The following ZNF594 variants were observed in gnomAD, a reference collection of about 807,000 sequenced individuals.
ZNF594 encodes the protein zinc finger protein HZF18.
For synonymous variants in ZNF594, 336 were observed against 309.4 expected (o/e 1.09, Z -0.90); for missense variants, 1,037 against 964.6 (o/e 1.08, Z -0.99).
At chr17:5,186,741 A>C (rs1468750136) in intron 1 of ZNF594, among the ~76,000 whole-genome samples, 1 of 152,190 alleles carries the variant, frequency 6.6e-6, no homozygotes, top group Admixed American at 6.5e-5. Context: ...AATTTCTTCC[A>C]CCAGATACCC....
At chr17:5,178,740 GAATT>G (rs767895705), downstream of ZNF594, among the ~76,000 whole-genome samples, 11 of 152,000 alleles carry the variant, frequency 7.2e-5, no homozygotes, top group Non-Finnish European at 1.6e-4. Flanking sequence ...ATGAATATGT[GAATT>G]AAACCAGGTA....
In ZNF594 at chr17:5,181,903, C is replaced by T; in HGVS notation, c.2354G>A (p.Arg785Lys). The T allele has an allele frequency of 6.2e-7, 1 of 1,614,044 alleles. No individual in the cohort carries two copies. The highest frequency in any genetic ancestry group is 8.5e-7 in the Non-Finnish European group (1 of 1,179,996). Residue 785 changes from arginine to lysine, a missense_variant, in exon 2 of 2, where the codon AGA (arginine) becomes AAA (lysine). Transcript: ENST00000575779. ...TTCTTTACATTCATATGGTTTCTCTCTTGTATGAGTTACCTGATGTCTGAT... is the reference window on the plus strand; with the variant it reads ...TTCTTTACATTCATATGGTTTCTCTTTTGTATGAGTTACCTGATGTCTGAT... The part of the protein sequence containing the change: ...DLIRHQVTHT[R>K]EKPYECKECG...
chr17:5,174,325 A>C, the ZNF594 span: 1 of 189,926 alleles, frequency 5.3e-6, no homozygotes, highest in Non-Finnish European at 1.1e-5. Context: ...TAGACCCTGC[A>C]AGTTGATTCT....
chr17:5,182,144 C>T lies in ZNF594; in HGVS notation c.2113G>A (p.Glu705Lys), dbSNP rs1407296557. 2 of 1,613,440 alleles carry T rather than the reference C, an allele frequency of 1.2e-6. No homozygotes were observed. The highest frequency in any genetic ancestry group is 2.7e-5 in the African/African-American group (2 of 74,404). Residue 705 changes from glutamate to lysine, a missense_variant, in exon 2 of 2, where the codon GAG (glutamate) becomes AAG (lysine). By Grantham distance (56) the Glu-to-Lys change is moderately conservative. Transcript: ENST00000575779. ...LIQHRRLHSGEKPYECKECGK... is the reference protein window; with the variant it reads ...LIQHRRLHSGKKPYECKECGK... Reference sequence around the variant, plus strand: ...CATTCCTTACATTCATAGGGTTTCTCACCACTATGAAGTCTCCGATGTTGA... The same window carrying T: ...CATTCCTTACATTCATAGGGTTTCTTACCACTATGAAGTCTCCGATGTTGA...
chr17:5,182,659 T>A lies in ZNF594; in HGVS notation c.1598A>T (p.Lys533Ile), dbSNP rs745632149. ...KLFIWRTAFL[K>I]HQSLHTGEKL... The stretch of plus-strand genomic sequence containing the variant: ...CTCTCCAGTATGCAGGCTCTGATGT[T>A]TGAGGAAAGCTGTGCGCCAAATGAA... Residue 533 changes from lysine to isoleucine, a missense_variant, in exon 2 of 2, where the codon AAA becomes ATA. By Grantham distance (102) the Lys-to-Ile change is moderately radical. Transcript: ENST00000575779. 48 of 1,613,808 alleles carry A rather than the reference T, an allele frequency of 3.0e-5. No individual in the cohort carries two copies. The highest frequency in any genetic ancestry group is 3.8e-5 in the Non-Finnish European group (45 of 1,179,970).
intron 1 of ZNF594, chr17:5,184,506 T>C: frequency 2.1e-6 from 1 of 465,838 alleles, no homozygotes; most frequent in East Asian, 3.8e-5. Context: ...GCTGTGGGAG[T>C]GGCCTAAAGG....
At position 5,182,136 on chromosome 17, in the gene ZNF594, G is replaced by C; in HGVS notation, c.2121C>G (p.Pro707=). ...QHRRLHSGEK[P]YECKECGKLF... ...GTTTCCCACATTCCTTACATTCATA[G>C]GGTTTCTCACCACTATGAAGTCTCC... Residue 707 remains proline (P), a synonymous_variant, in exon 2 of 2, where the codon CCC becomes CCG. Transcript: ENST00000575779. The C allele has an allele frequency of 6.2e-7, 1 of 1,613,556 alleles. No homozygotes were observed. Among genetic ancestry groups the C allele is most frequent in the South Asian group, 1.1e-5 (1 of 91,076 alleles).
chr17:5,177,340 G>A (rs577102632), downstream of ZNF594, among the ~76,000 whole-genome samples: 8 of 152,272 alleles, frequency 5.3e-5, no homozygotes, highest in South Asian at 1.4e-3. Flanking sequence ...AGTGTATTAA[G>A]ACACTAGGAG....
downstream of ZNF594, among the ~76,000 whole-genome samples, chr17:5,177,501 G>A (rs532701397): frequency 3.3e-5 from 5 of 152,258 alleles, no homozygotes; most frequent in African/African-American, 1.2e-4. Flanking sequence ...CCTGAGGCCA[G>A]GAGTTCGAGA....
chr17:5,177,871 G>A (rs2074316462), downstream of ZNF594, among the ~76,000 whole-genome samples: 2 of 151,828 alleles, frequency 1.3e-5, no homozygotes, highest in South Asian at 4.1e-4. Context: ...TTACTAAAAC[G>A]GACACAGAAA....
At position 5,182,942 on chromosome 17, in the gene ZNF594, T is replaced by C. The variant is rs779461206; in HGVS notation, c.1315A>G (p.Lys439Glu). 4 of 1,614,122 alleles carry C rather than the reference T, an allele frequency of 2.5e-6. No individual in the cohort carries two copies. Among genetic ancestry groups the C allele is most frequent in the Middle Eastern group, 1.6e-4 (1 of 6,062 alleles). The change falls in exon 2 of 2, where the codon AAA becomes GAA. Residue 439 changes from lysine to glutamate, a missense_variant. Coordinates refer to ENST00000575779, the MANE Select transcript of ZNF594 (RefSeq NM_032530.2). ...EKPCVCSKCG[K>E]SFRGSSDLIR... ...AGATCTGAGCTGCCCCTAAAAGATT[T>C]CCCACATTTGCTACATACACAAGGT...
chr17:5,190,265 G>A (rs923285353), intron 1 of ZNF594, among the ~76,000 whole-genome samples: 1 of 152,168 alleles, frequency 6.6e-6, no homozygotes, highest in Non-Finnish European at 1.5e-5. Context: ...CTACTCGGAA[G>A]GCTGAGGCAG....
Position 5,180,059 on chromosome 17 carries a change from T to TA in ZNF594, c.*1773dup, listed in dbSNP as rs1193586393. 2.0e-5 allele frequency: 3 copies of TA among 151,282 alleles called. No homozygotes were observed. The highest frequency in any genetic ancestry group is 1.3e-4 in the Admixed American group (2 of 15,080). 9.4% of individuals were successfully genotyped at this position (151,282 alleles called of 1,614,324 possible). A position where few individuals can be genotyped will look rare whatever the true frequency, so the allele number is the denominator to read the frequency against. On this transcript the variant is annotated 3_prime_UTR_variant, in exon 2 of 2. Coordinates refer to ENST00000575779, the MANE Select transcript of ZNF594 (RefSeq NM_032530.2). ...GCATTGTAAAGACAAGCAGAAGAGT[T>TA]AGACTTTTTTTTTTTTTTGAGATGG...
Position 5,182,767 on chromosome 17 carries a change from A to G in ZNF594, c.1490T>C (p.Phe497Ser), listed in dbSNP as rs2074354907. The G allele has an allele frequency of 6.2e-7, 1 of 1,613,964 alleles. No individual in the cohort carries two copies. The highest frequency in any genetic ancestry group is 1.3e-5 in the African/African-American group (1 of 74,896). The change falls in exon 2 of 2, where the codon TTC (phenylalanine) becomes TCC (serine). Residue 497 changes from phenylalanine (F) to serine (S), a missense_variant. By Grantham distance (155) the Phe-to-Ser change is radical. Coordinates refer to ENST00000575779, the MANE Select transcript of ZNF594 (RefSeq NM_032530.2). ...PYQCTECGKA[F>S]RRRSLLIQHR... ...TTGAATAAGGAGTGAACGCCGCCTG[A>G]AGGCTTTCCCACATTCAGTGCACTG...
intron 1 of ZNF594, among the ~76,000 whole-genome samples, chr17:5,189,198 G>GGCCT (rs2074406160): frequency 6.6e-6 from 1 of 151,626 alleles, no homozygotes; most frequent in Admixed American, 6.6e-5. Context: ...CTCCCACCTT[G>GGCCT]GCCTCCCAAA....
chr17:5,176,074 T>C (rs2074304952), downstream of ZNF594, among the ~76,000 whole-genome samples: 1 of 152,206 alleles, frequency 6.6e-6, no homozygotes, highest in Admixed American at 6.5e-5. Context: ...CTGTTCACAT[T>C]TTCCAAAAAC....
chr17:5,185,605 T>C (rs997055686), intron 1 of ZNF594, among the ~76,000 whole-genome samples: 2 of 152,104 alleles, frequency 1.3e-5, no homozygotes, highest in African/African-American at 4.8e-5. Context: ...CTAAGTCTCA[T>C]CTCATTTCAG....
chr17:5,181,984 T>C lies in ZNF594; in HGVS notation c.2273A>G (p.Lys758Arg). ...ACACTGATTACACCAATAAACTTTC[T>C]TTTCCTGGTGAGTTCTCTGCTCTTT... ...LRKEQRTHQE[K>R]KVYWCNQCSR... The change falls in exon 2 of 2, where the codon AAG (lysine) becomes AGG (arginine). Residue 758 changes from lysine (K) to arginine (R), a missense_variant. By Grantham distance (26) the Lys-to-Arg change is conservative (BLOSUM62 2). Coordinates refer to ENST00000575779, the MANE Select transcript of ZNF594 (RefSeq NM_032530.2). 2 of 1,612,998 alleles carry C rather than the reference T, an allele frequency of 1.2e-6. No individual in the cohort carries two copies. The highest frequency in any genetic ancestry group is 1.7e-6 in the Non-Finnish European group (2 of 1,179,986).
chr17:5,174,129 T>G, the ZNF594 span: 1 of 199,942 alleles, frequency 5.0e-6, no homozygotes, highest in African/African-American at 2.3e-5. Flanking sequence ...TTTGTCTTTT[T>G]TTAAATTTTA....
Sources: gnomAD v4.1 joint callset for allele counts (sites outside exome capture counted in the v4.1 genomes callset) on GRCh38, gnomAD v4.1.1 for gene constraint, MANE v1.5 for transcripts, NCBI Gene and HGNC (gene_info 2026-07-23, HGNC 2026-07-21) for gene names.